MET: variants seen among roughly 807,000 people sequenced by gnomAD.
The protein encoded by MET is hepatocyte growth factor receptor.
In MET, 48 loss-of-function variants were observed where a neutral mutation model predicts 133.1. The observed-to-expected ratio is 0.36, with a 90% confidence interval of 0.29 to 0.46. The LOEUF (loss-of-function observed/expected upper bound fraction) is 0.46. Among genes scored for constraint, MET ranks in the 20% least tolerant of loss-of-function variants. The pLI is 1.00. For missense variants in MET, 1,442 were observed against 1,695.9 expected (o/e 0.85, Z 2.63); for synonymous variants, 628 against 616.5 (o/e 1.02, Z -0.28).
At chr7:116,753,857 T>A (rs1264571435) in intron 5 of MET, among the ~76,000 whole-genome samples, 1 of 152,216 alleles carries the variant, frequency 6.6e-6, no homozygotes, top group Non-Finnish European at 1.5e-5. Flanking sequence ...AAATGTGAAC[T>A]AATAGGTAAA....
chr7:116,762,026 C>T (rs1469699400), intron 10 of MET, among the ~76,000 whole-genome samples: 2 of 152,136 alleles, frequency 1.3e-5, no homozygotes, highest in East Asian at 1.9e-4. Flanking sequence ...AAAATGCAAC[C>T]GTTAACCTTA....
chr7:116,764,234 A>G (rs927283322), intron 11 of MET, among the ~76,000 whole-genome samples: 3 of 152,208 alleles, frequency 2.0e-5, no homozygotes, highest in African/African-American at 7.2e-5. Flanking sequence ...CAAGTTTACT[A>G]ACCTCATTAT....
chr7:116,692,976 T>C (rs1295185291), intron 1 of MET, among the ~76,000 whole-genome samples: 1 of 152,204 alleles, frequency 6.6e-6, no homozygotes, highest in Non-Finnish European at 1.5e-5. Flanking sequence ...ACAGTCTATA[T>C]TGAAAGCCTG....
At chr7:116,697,298 T>G (rs2237710) in intron 1 of MET, among the ~76,000 whole-genome samples, 47,628 of 151,910 alleles carry the variant, frequency 0.31, 7,561 homozygotes, top group East Asian at 0.4. Flanking sequence ...CTATCCTTGG[T>G]GCTACCATAT....
intron 2 of MET, among the ~76,000 whole-genome samples, chr7:116,712,698 C>T (rs1195000182): frequency 6.6e-6 from 1 of 151,874 alleles, no homozygotes; most frequent in Non-Finnish European, 1.5e-5. Context: ...CCCTCCCGTC[C>T]CCCCCACACA....
intron 3 of MET, among the ~76,000 whole-genome samples, chr7:116,737,361 A>G (rs1030214913): frequency 6.6e-6 from 1 of 152,244 alleles, no homozygotes; most frequent in Non-Finnish European, 1.5e-5. Flanking sequence ...TGAAACACGG[A>G]GTAACTGGCG....
intron 2 of MET, among the ~76,000 whole-genome samples, chr7:116,723,143 T>C (rs1203025434): frequency 7.2e-6 from 1 of 138,620 alleles, no homozygotes; most frequent in Non-Finnish European, 1.6e-5. Context: ...TTTGGTCTTT[T>C]CACATAGTCC....
At chr7:116,759,279 G>A (rs2116936029) in intron 9 of MET, 112 bp from the exon 10 acceptor site, 5 of 1,493,458 alleles carry the variant, frequency 3.3e-6, no homozygotes, top group Non-Finnish European at 4.5e-6. Flanking sequence ...ATTTGATGTT[G>A]ACTGTGCCTC....
chr7:116,780,795 G>A (rs555066820), intron 17 of MET, among the ~76,000 whole-genome samples: 22 of 152,304 alleles, frequency 1.4e-4, no homozygotes, highest in East Asian at 1.9e-4. Flanking sequence ...GACTGTTGAA[G>A]GGGAATACCC....
At chr7:116,731,159 G>C (rs1050351221) in intron 2 of MET, among the ~76,000 whole-genome samples, 2 of 152,168 alleles carry the variant, frequency 1.3e-5, no homozygotes, top group Non-Finnish European at 2.9e-5. Context: ...GCCAGGATTT[G>C]ATGCCAGCAC....
chr7:116,767,654 T>C (rs1190821770), intron 11 of MET, among the ~76,000 whole-genome samples: 1 of 152,076 alleles, frequency 6.6e-6, no homozygotes, highest in Non-Finnish European at 1.5e-5. Context: ...GCTCTCTCTC[T>C]TTTGTTGCTT....
intron 3 of MET, among the ~76,000 whole-genome samples, chr7:116,732,564 AC>A (rs1793056213): frequency 6.6e-6 from 1 of 152,188 alleles, no homozygotes; most frequent in Non-Finnish European, 1.5e-5. Context: ...GGTGCCTTTA[AC>A]ATGAGTTGTT....
Position 116,795,727 on chromosome 7 carries a change from G to T in MET, c.3871G>T (p.Asp1291Tyr). The T allele has an allele frequency of 6.2e-7, 1 of 1,614,102 alleles. No homozygotes were observed. The highest frequency in any genetic ancestry group is 8.5e-7 in the Non-Finnish European group (1 of 1,180,002). The part of the protein sequence containing the change: ...APPYPDVNTF[D>Y]ITVYLLQGRR... ...ACCTTATCCTGACGTAAACACCTTT[G>T]ATATAACTGTTTACTTGTTGCAAGG... Residue 1291 changes from aspartate to tyrosine, a missense_variant, in exon 20 of 21, where the codon GAT becomes TAT. Asp to Tyr is a radical substitution (Grantham distance 160). Around this residue, in one of 6 missense-constraint regions of MET, gnomAD observed 32 missense variants for 72.4 expected, o/e 0.44. Transcript: ENST00000397752.
At position 116,755,563 on chromosome 7, in the gene MET, T is replaced by A. The variant is rs770136415; in HGVS notation, c.1862+48T>A. 9.9e-6 allele frequency: 16 copies of A among 1,610,158 alleles called. No individual in the cohort carries two copies. In the Admixed American group the frequency reaches 2.7e-4, roughly 27 times the overall value. Reference sequence around the variant, plus strand: ...CTGGGGTGTGCTTGGAAAATAGGTTTTGTTTTTGAATGAATATTTCTTTTA... The same window carrying A: ...CTGGGGTGTGCTTGGAAAATAGGTTATGTTTTTGAATGAATATTTCTTTTA... On this transcript the variant is annotated intron_variant, in intron 6 of 20. Coordinates refer to ENST00000397752, the MANE Select transcript of MET (RefSeq NM_000245.4).
chr7:116,790,409 A>G (rs1329272976), intron 19 of MET, among the ~76,000 whole-genome samples: 1 of 152,214 alleles, frequency 6.6e-6, no homozygotes, highest in African/African-American at 2.4e-5. Context: ...AATATTCTCA[A>G]GCTTCATCCA....
intron 14 of MET, among the ~76,000 whole-genome samples, chr7:116,772,404 G>A (rs185836885): frequency 2.6e-5 from 4 of 152,182 alleles, no homozygotes; most frequent in Admixed American, 6.5e-5. Context: ...GTAATTCTTC[G>A]AAGTGTTTTC....
intron 1 of MET, among the ~76,000 whole-genome samples, chr7:116,684,358 C>T (rs913430621): frequency 2.6e-5 from 4 of 152,156 alleles, no homozygotes; most frequent in Non-Finnish European, 5.9e-5. Flanking sequence ...TCAATAAATG[C>T]TTACTAAGTG....
chr7:116,687,734 G>A (rs1243246671), intron 1 of MET, among the ~76,000 whole-genome samples: 1 of 152,208 alleles, frequency 6.6e-6, no homozygotes, highest in Non-Finnish European at 1.5e-5. Context: ...TTTCTCAGGT[G>A]TGAGCAAATA....
Position 116,763,157 on chromosome 7 carries a change from T to G in MET, c.2472T>G (p.Asp824Glu), listed in dbSNP as rs1463527073. ...PLKTKAFFML[D>E]GILSKYFDLI... ...AAACCAAAGCCTTTTTCATGTTAGATGGGATCCTTTCCAAATACTTTGATC... is the reference window on the plus strand; with the variant it reads ...AAACCAAAGCCTTTTTCATGTTAGAGGGGATCCTTTCCAAATACTTTGATC... Residue 824 changes from aspartate to glutamate, a missense_variant, in exon 11 of 21, where the codon GAT (aspartate) becomes GAG (glutamate). By Grantham distance (45) the Asp-to-Glu change is conservative. Transcript: ENST00000397752. 2.5e-6 allele frequency: 4 copies of G among 1,614,042 alleles called. No homozygotes were observed. The highest frequency in any genetic ancestry group is 3.4e-6 in the Non-Finnish European group (4 of 1,179,956).
Sources: allele counts gnomAD v4.1 joint callset (sites outside exome capture counted in the v4.1 genomes callset), GRCh38; gene constraint gnomAD v4.1.1; regional missense constraint gnomAD v4.1.1; transcripts MANE v1.5; gene names NCBI Gene and HGNC (gene_info 2026-07-23, HGNC 2026-07-21).